The following LOC400499 variants were observed in gnomAD, a reference collection of about 807,000 sequenced individuals.
the LOC400499 span, chr16:11,399,677 G>T: frequency 2.5e-6 from 1 of 398,684 alleles, no homozygotes; most frequent in Non-Finnish European, 4.4e-6. Context: ...CCCCTCACTC[G>T]GTGCAGCGGT....
chr16:11,383,461 G>C, the LOC400499 span, among the ~76,000 whole-genome samples: 1 of 152,182 alleles, frequency 6.6e-6, no homozygotes, highest in African/African-American at 2.4e-5. Context: ...CATCCATGAG[G>C]CATGTACCTG....
the LOC400499 span, among the ~76,000 whole-genome samples, chr16:11,492,837 G>A: frequency 1.3e-5 from 2 of 152,044 alleles, no homozygotes; most frequent in Non-Finnish European, 2.9e-5. Flanking sequence ...AAAATGAAAT[G>A]GGGAAACAGG....
chr16:11,451,800 A>G, the LOC400499 span, among the ~76,000 whole-genome samples: 10 of 152,300 alleles, frequency 6.6e-5, no homozygotes, highest in Non-Finnish European at 1.2e-4. Context: ...ACTGAGGCAG[A>G]CAGGCTCAGA....
the LOC400499 span, chr16:11,393,318 A>AG: frequency 1.3e-5 from 15 of 1,153,022 alleles, no homozygotes; most frequent in Admixed American, 4.3e-5. Context: ...CTTAACGCCC[A>AG]GACCCCCGTC....
chr16:11,396,543 G>A, the LOC400499 span: 6 of 1,232,182 alleles, frequency 4.9e-6, no homozygotes, highest in Non-Finnish European at 4.0e-6. Flanking sequence ...GCTGAACGAG[G>A]CCTGCTGTGG....
chr16:11,437,282 G>A, the LOC400499 span, among the ~76,000 whole-genome samples: 34 of 152,230 alleles, frequency 2.2e-4, no homozygotes, highest in African/African-American at 8.0e-4. Context: ...CAGGCTGGCA[G>A]GGCACGATGA....
the LOC400499 span, chr16:11,423,309 G>T: frequency 5.0e-6 from 2 of 399,140 alleles, no homozygotes; most frequent in Middle Eastern, 6.3e-4. Context: ...ACCCCAGAGT[G>T]AACCGTCGTG....
At chr16:11,480,818 C>T in the LOC400499 span, among the ~76,000 whole-genome samples, 1 of 152,170 alleles carries the variant, frequency 6.6e-6, no homozygotes, top group Non-Finnish European at 1.5e-5. Flanking sequence ...GAATACTATG[C>T]AGCTATGAAA....
the LOC400499 span, among the ~76,000 whole-genome samples, chr16:11,459,235 C>G: frequency 9.1e-6 from 1 of 109,382 alleles, no homozygotes; most frequent in Non-Finnish European, 1.7e-5. Context: ...CTCGCTGTTT[C>G]GCCCAGGCCA....
chr16:11,401,224 C>CCTCGTGA, the LOC400499 span: 1 of 398,724 alleles, frequency 2.5e-6, no homozygotes, highest in African/African-American at 2.1e-5. Flanking sequence ...GCGGCTCCCA[C>CCTCGTGA]CTCCAGCCCC....
chr16:11,414,256 C>G, the LOC400499 span: 2 of 398,868 alleles, frequency 5.0e-6, no homozygotes, highest in Non-Finnish European at 8.8e-6. Context: ...CCCCACCCAC[C>G]CTGCACACAG....
the LOC400499 span, among the ~76,000 whole-genome samples, chr16:11,410,570 A>G: frequency 5.0e-4 from 76 of 152,258 alleles, no homozygotes; most frequent in Non-Finnish European, 1.0e-3. Flanking sequence ...GACCCAGCAC[A>G]TAGCGCATGC....
chr16:11,396,303 G>C, the LOC400499 span: 1 of 420,836 alleles, frequency 2.4e-6, no homozygotes, highest in Admixed American at 4.5e-5. Flanking sequence ...CCTTGTCTTG[G>C]CGCCAGGGCC....
the LOC400499 span, among the ~76,000 whole-genome samples, chr16:11,499,442 C>T: frequency 5.3e-5 from 8 of 151,950 alleles, no homozygotes; most frequent in Non-Finnish European, 1.0e-4. Context: ...TGGTGGCCAG[C>T]GTGCCACCTG....
the LOC400499 span, chr16:11,385,319 G>A: frequency 5.7e-6 from 7 of 1,232,304 alleles, no homozygotes; most frequent in Non-Finnish European, 7.1e-6. Flanking sequence ...TGTGAGCAAA[G>A]TCCTGGGCCA....
the LOC400499 span, chr16:11,399,160 G>A: frequency 4.1e-6 from 4 of 965,404 alleles, no homozygotes; most frequent in Non-Finnish European, 4.9e-6. Flanking sequence ...ATGCCTCGGG[G>A]AACCGGAGCT....
the LOC400499 span, among the ~76,000 whole-genome samples, chr16:11,484,044 G>T: frequency 2.8e-5 from 3 of 108,736 alleles, no homozygotes; most frequent in Admixed American, 4.4e-4. Flanking sequence ...CTCTCGCTCT[G>T]TCGCCCAGGC....
chr16:11,473,739 G>C, the LOC400499 span, among the ~76,000 whole-genome samples: 1 of 146,878 alleles, frequency 6.8e-6, no homozygotes, highest in African/African-American at 2.6e-5. Flanking sequence ...TGGGCAACGA[G>C]AGTGAAACTC....
the LOC400499 span, among the ~76,000 whole-genome samples, chr16:11,502,345 G>T: frequency 6.6e-6 from 1 of 152,180 alleles, no homozygotes; most frequent in African/African-American, 2.4e-5. Context: ...CTCCAGGTCT[G>T]GCTTCTCCCT....
Sources: gnomAD v4.1 joint callset for allele counts (sites outside exome capture counted in the v4.1 genomes callset) on GRCh38, gnomAD v4.1.1 for gene constraint, MANE v1.5 for transcripts.